The following TSPOAP1 variants were observed in gnomAD, a reference collection of about 807,000 sequenced individuals.
The protein encoded by TSPOAP1 is TSPO associated protein 1.
TSPOAP1 carries 87 observed loss-of-function variants against 197.0 expected under a neutral mutation model. The ratio of observed to expected loss-of-function variants is 0.44; its 90% CI spans 0.37 to 0.53. The LOEUF is 0.53. Among genes scored for constraint, TSPOAP1 ranks in the 20% least tolerant of loss-of-function variants. TSPOAP1 has a pLI of 0.00. For missense variants in TSPOAP1, 2,174 were observed against 2,411.3 expected (o/e 0.90, Z 2.06); for synonymous variants, 913 against 998.9 (o/e 0.91, Z 1.62).
rs202010737 is a variant in TSPOAP1, at chr17:58,327,582, C to A, written c.333+6G>T. On this transcript the variant is annotated splice_donor_region_variant and intron_variant, in intron 1 of 31. Transcript: ENST00000343736. The stretch of plus-strand genomic sequence containing the variant: ...TGCAGACCCCAGCCCTCCACAGATC[C>A]CTTACCTTCAGGAAAGCCTCCACTT... 1 of 1,610,050 alleles carries A rather than the reference C, an allele frequency of 6.2e-7. No homozygotes were observed. The highest frequency in any genetic ancestry group is 8.5e-7 in the Non-Finnish European group (1 of 1,177,728).
At position 58,309,497 on chromosome 17, in the gene TSPOAP1, A is replaced by G. The variant is rs751916545; in HGVS notation, c.3892-117T>C. ...GAAGGCAGGGGTTACGGACAACCCC[A>G]CAGCCCTCCCACGGCTTCCTCCGAG... On this transcript the variant is annotated intron_variant, in intron 21 of 31. Coordinates refer to ENST00000343736, the MANE Select transcript of TSPOAP1 (RefSeq NM_004758.4). The surrounding 1 kb of genome is among the most constrained non-coding windows in gnomAD (Gnocchi z 5.0). 3 of 1,356,430 alleles carry G rather than the reference A, an allele frequency of 2.2e-6. No homozygotes were observed. The highest frequency in any genetic ancestry group is 2.9e-6 in the Non-Finnish European group (3 of 1,019,764). The allele number at this position is 1,356,430 out of a possible 1,614,324, so 84.0% of individuals were successfully genotyped here.
chr17:58,311,760 C>A, intron 17 of TSPOAP1, 38 bp from the exon 18 acceptor site: 2 of 1,526,920 alleles, frequency 1.3e-6, no homozygotes, highest in Non-Finnish European at 1.8e-6. Flanking sequence ...TGATGCAGGA[C>A]GCTCCCCATC....
At chr17:58,310,249 G>T in intron 20 of TSPOAP1, 91 bp from the exon 21 acceptor site, 1 of 1,366,428 alleles carries the variant, frequency 7.3e-7, no homozygotes, top group Non-Finnish European at 1.0e-6. Context: ...CAGTAACAAG[G>T]GTCCTTTGGC....
chr17:58,320,067 C>G (rs368805395), intron 12 of TSPOAP1, 42 bp downstream of exon 12: 1 of 1,613,784 alleles, frequency 6.2e-7, no homozygotes, highest in Non-Finnish European at 8.5e-7. Context: ...TGCAACTCAG[C>G]CAGCCTGGAG....
chr17:58,307,099 G>A, intron 24 of TSPOAP1, 131 bp from the exon 25 acceptor site: 1 of 993,064 alleles, frequency 1.0e-6, no homozygotes, highest in Non-Finnish European at 1.5e-6. Context: ...AATGGGAAAA[G>A]GGGGAAAACA....
At position 58,312,558 on chromosome 17, in the gene TSPOAP1, C is replaced by T. The variant is rs144600978; in HGVS notation, c.2263G>A (p.Gly755Arg). ...CTCCTTCCCACACTGCTTTGGCCCC[C>T]GCTACTGCTGCCACCCCCACCTACA... is the stretch of plus-strand genomic sequence containing the variant. ...LSVGGGGSSS[G>R]GQSSVGRSQP... Residue 755 changes from glycine to arginine, a missense_variant, in exon 17 of 32, where the codon GGG becomes AGG. Around this residue, in one of 5 missense-constraint regions of TSPOAP1, gnomAD observed 1,933 missense variants for 2,139.0 expected, o/e 0.90. Coordinates refer to ENST00000343736, the MANE Select transcript of TSPOAP1 (RefSeq NM_004758.4). The T allele has an allele frequency of 1.9e-4, 307 of 1,609,304 alleles. No homozygotes were observed. The highest frequency in any genetic ancestry group is 8.3e-4 in the African/African-American group (62 of 74,920).
intron 15 of TSPOAP1, 30 bp downstream of exon 15, chr17:58,316,395 G>C: frequency 6.3e-7 from 1 of 1,576,788 alleles, no homozygotes; most frequent in East Asian, 2.2e-5. Flanking sequence ...CTGGGGCTGG[G>C]CTAGGGGGCA....
chr17:58,308,041 C>G, intron 22 of TSPOAP1, 100 bp from the exon 23 acceptor site: 1 of 1,187,696 alleles, frequency 8.4e-7, no homozygotes, highest in South Asian at 1.5e-5. Context: ...AGCACAGCAG[C>G]GCAGGAGCAC....
At chr17:58,308,414 C>G in intron 22 of TSPOAP1, 127 bp downstream of exon 22, 1 of 1,391,500 alleles carries the variant, frequency 7.2e-7, no homozygotes, top group Non-Finnish European at 9.5e-7. Flanking sequence ...TGAGGGAGCC[C>G]GGAGGCCCGG....
Position 58,305,600 on chromosome 17 carries a change from G to C in TSPOAP1, c.5301C>G (p.His1767Gln), listed in dbSNP as rs1056059583. 3.2e-6 allele frequency: 5 copies of C among 1,565,950 alleles called. No homozygotes were observed. The African/African-American group carries it at 6.8e-5, about 21-fold the overall frequency. The change falls in exon 28 of 32, where the codon CAC (histidine) becomes CAG (glutamine). Residue 1767 changes from histidine (H) to glutamine (Q), a missense_variant. By Grantham distance (24) the His-to-Gln change is conservative. Coordinates refer to ENST00000343736, the MANE Select transcript of TSPOAP1 (RefSeq NM_004758.4). ...TGTAGTCAAATGCAGCCACCATGGA[G>C]TGGGGAGCTTTCAGGTCAGCAGAGG... The part of the protein sequence containing the change: ...LVPSADLKAP[H>Q]SMVAAFDYNP...
chr17:58,304,734 G>A lies in TSPOAP1; in HGVS notation c.5544+327C>T, dbSNP rs1367912228. 7 of 569,040 alleles carry A rather than the reference G, an allele frequency of 1.2e-5. No individual in the cohort carries two copies. The highest frequency in any genetic ancestry group is 2.2e-5 in the Non-Finnish European group (7 of 314,518). 35.2% of individuals were successfully genotyped at this position (569,040 alleles called of 1,614,324 possible). A position where few individuals can be genotyped will look rare whatever the true frequency, so the allele number is the denominator to read the frequency against. ...CAGGGTGGGAGTGTCCTGAAACAGG[G>A]ACTTTGATTGGCCACAGGTGTGAGG... On this transcript the variant is annotated intron_variant, in intron 30 of 31. Transcript: ENST00000343736. This position sits in a 1 kb window ranked among gnomAD's most constrained non-coding sequence, Gnocchi z 4.2.
In TSPOAP1 at chr17:58,322,733, AC is replaced by A; in HGVS notation, c.1237del (p.Val413Ter). The A allele has an allele frequency of 1.2e-6, 2 of 1,612,174 alleles. No homozygotes were observed. Among genetic ancestry groups the A allele is most frequent in the Non-Finnish European group, 8.5e-7 (1 of 1,179,826 alleles). ...NAELRGQLLG[V>X]TQERDSALRK... Reference sequence around the variant, plus strand: ...AAGGGCTGAGTCCCTCTCCTGTGTCACCCCCAGGAGCTGGCCCCTCAGCTCC... The same window carrying A: ...AAGGGCTGAGTCCCTCTCCTGTGTCACCCCAGGAGCTGGCCCCTCAGCTCC... On this transcript the variant is annotated frameshift_variant, in exon 9 of 32. Transcript: ENST00000343736. LOFTEE classifies it high-confidence loss of function. The surrounding 1 kb of genome is among the most constrained non-coding windows in gnomAD (Gnocchi z 5.0).
chr17:58,305,225 C>T (rs1970843299), intron 29 of TSPOAP1, 54 bp from the exon 30 acceptor site: 1 of 1,514,656 alleles, frequency 6.6e-7, no homozygotes, highest in Middle Eastern at 1.7e-4. Flanking sequence ...CTGGCCCTGC[C>T]CCTCGACTCT....
At chr17:58,321,806 C>T (rs772838780) in intron 10 of TSPOAP1, among the ~76,000 whole-genome samples, 2 of 152,244 alleles carry the variant, frequency 1.3e-5, no homozygotes, top group Non-Finnish European at 2.9e-5. Flanking sequence ...CACTCCCCCA[C>T]TTAGGATCTT....
rs756027282 is a variant in TSPOAP1 at position 58,305,507 on chromosome 17, G to A, written c.5361+33C>T. 38 of 1,610,514 alleles carry A rather than the reference G, an allele frequency of 2.4e-5. No homozygotes were observed. The East Asian group carries it at 5.8e-4, about 25-fold the overall frequency. On this transcript the variant is annotated intron_variant, in intron 28 of 31. Coordinates refer to ENST00000343736, the MANE Select transcript of TSPOAP1 (RefSeq NM_004758.4). The stretch of plus-strand genomic sequence containing the variant: ...TCAGGCCCAGGAAGGCTCTGCCACC[G>A]CCCTTTGCTGGGCTCTATCTGAGGG...
chr17:58,305,879 G>A lies in TSPOAP1; in HGVS notation c.5225-14C>T. On this transcript the variant is annotated splice_polypyrimidine_tract_variant and intron_variant, in intron 26 of 31. Transcript: ENST00000343736. ...CTTCCGACTCAGCTGTGGAAAGAAT[G>A]TGCCTGTGAGCCCCCTCCCACCCTG... 6.2e-7 allele frequency: 1 copy of A among 1,611,812 alleles called. No individual in the cohort carries two copies. The highest frequency in any genetic ancestry group is 2.2e-5 in the East Asian group (1 of 44,880).
chr17:58,316,612 G>T (rs1245232126), intron 14 of TSPOAP1, 72 bp from the exon 15 acceptor site: 7 of 1,292,036 alleles, frequency 5.4e-6, no homozygotes, highest in Non-Finnish European at 7.6e-6. Flanking sequence ...AGGTTTCCAG[G>T]CTGAGCCAGA....
At position 58,306,842 on chromosome 17, in the gene TSPOAP1, G is replaced by A; in HGVS notation, c.5110C>T (p.Gln1704Ter). ...ATATCTGGGGACAAATAACCCCGCTGGAGCAGTTGCTGTCTCCCAGCAGGG... is the reference window on the plus strand; with the variant it reads ...ATATCTGGGGACAAATAACCCCGCTAGAGCAGTTGCTGTCTCCCAGCAGGG... Reference protein sequence around the residue: ...DSPAGRQQLLQRGYLSPDILL... With the variant: ...DSPAGRQQLL Residue 1704 changes from glutamine to a stop codon, truncating the protein, a stop_gained, in exon 25 of 32, where the codon CAG becomes TAG. Coordinates refer to ENST00000343736, the MANE Select transcript of TSPOAP1 (RefSeq NM_004758.4). LOFTEE classifies it high-confidence loss of function. 1.2e-6 allele frequency: 2 copies of A among 1,613,850 alleles called. No homozygotes were observed. Among genetic ancestry groups the A allele is most frequent in the Non-Finnish European group, 1.7e-6 (2 of 1,179,964 alleles).
Position 58,302,414 on chromosome 17 carries a change from G to A in TSPOAP1, c.*66C>T. On this transcript the variant is annotated 3_prime_UTR_variant, in exon 32 of 32. Transcript: ENST00000343736. ...CTGGGGGTACAAGGCCCACCTGGGG[G>A]CCCTGGGGACCCTTGTGTGGTGCAG... is the stretch of plus-strand genomic sequence containing the variant. The A allele has an allele frequency of 7.8e-7, 1 of 1,280,810 alleles. No individual in the cohort carries two copies. The highest frequency in any genetic ancestry group is 1.0e-6 in the Non-Finnish European group (1 of 985,272). 79.3% of individuals were successfully genotyped at this position (1,280,810 alleles called of 1,614,324 possible).
Sources: gnomAD v4.1 joint callset for allele counts (sites outside exome capture counted in the v4.1 genomes callset) on GRCh38, gnomAD v4.1.1 for gene constraint, gnomAD v4.1.1 regional missense constraint, Gnocchi (gnomAD v3.1) non-coding constraint, MANE v1.5 for transcripts, NCBI Gene and HGNC (gene_info 2026-07-23, HGNC 2026-07-21) for gene names.